HDHD2: variants seen among roughly 807,000 people sequenced by gnomAD.
The protein encoded by HDHD2 is haloacid dehalogenase like hydrolase domain containing 2.
In HDHD2, 26 loss-of-function variants were observed where a neutral mutation model predicts 24.8. The observed-to-expected ratio is 1.05, with a 90% CI of 0.77 to 1.45. The LOEUF is 1.45. HDHD2 is among the 40% of genes most tolerant of loss of function. The pLI, the probability that HDHD2 is intolerant of heterozygous loss-of-function variation, is 0.00. For missense variants in HDHD2, 299 were observed against 313.4 expected (o/e 0.95, Z 0.35); for synonymous variants, 128 against 114.9 (o/e 1.11, Z -0.73).
intron 4 of HDHD2, among the ~76,000 whole-genome samples, chr18:47,126,792 GA>G (rs199844969): frequency 6.7e-4 from 100 of 148,352 alleles, no homozygotes; most frequent in African/African-American, 1.9e-3. Flanking sequence ...CTATACTTCT[GA>G]AAAAAAAAAT....
At chr18:47,120,479 G>A (rs2144305366) in intron 4 of HDHD2, among the ~76,000 whole-genome samples, 1 of 152,200 alleles carries the variant, frequency 6.6e-6, no homozygotes, top group East Asian at 1.9e-4. Context: ...TTGTCTTAAG[G>A]GAATTTTGTG....
At chr18:47,136,982 T>C in intron 1 of HDHD2, 1 of 578,632 alleles carries the variant, frequency 1.7e-6, no homozygotes, top group Non-Finnish European at 3.2e-6. Flanking sequence ...GTACCTCTTT[T>C]GTGAAGTGGC....
rs1460629715 is a variant in HDHD2, at chr18:47,112,949, G to A, written c.676+28C>T. The A allele has an allele frequency of 1.9e-6, 3 of 1,584,964 alleles. No individual in the cohort carries two copies. The Admixed American group carries it at 5.0e-5, about 26-fold the overall frequency. The stretch of plus-strand genomic sequence containing the variant: ...CTGTGTATTCTACTATTCTGTTTTA[G>A]AAAATGCTTTATACAGAAGATACAT... On this transcript the variant is annotated intron_variant, in intron 6 of 6. Coordinates refer to ENST00000300605, the MANE Select transcript of HDHD2 (RefSeq NM_032124.5).
intron 1 of HDHD2, among the ~76,000 whole-genome samples, chr18:47,147,990 C>CA (rs2063889331): frequency 7.2e-6 from 1 of 137,996 alleles, no homozygotes; most frequent in Non-Finnish European, 1.6e-5. Context: ...TTTTTTCTTT[C>CA]TTTTTTTTTT....
chr18:47,110,218 G>A, intron 6 of HDHD2: 1 of 985,392 alleles, frequency 1.0e-6, no homozygotes, highest in Non-Finnish European at 1.2e-6. Context: ...CCACATCTTT[G>A]CATCATGGTG....
intron 5 of HDHD2, among the ~76,000 whole-genome samples, chr18:47,114,239 CAGG>C (rs1270614660): frequency 6.6e-6 from 1 of 152,158 alleles, no homozygotes. Flanking sequence ...AAGATAAAAT[CAGG>C]AGGACTGTGA....
chr18:47,144,308 C>CTTTT lies in HDHD2; in HGVS notation c.-11+6069_-11+6070insAAAA, dbSNP rs558878574. On this transcript the variant is annotated intron_variant, in intron 1 of 6. Transcript: ENST00000300605. The stretch of plus-strand genomic sequence containing the variant: ...CATCTGAAGAGATAGATCCTCTGAC[C>CTTTT]TAAAAACCAAGACCTCACTGTAAGG... Among the ~76,000 whole-genome samples the CTTTT allele has an allele frequency of 5.9e-5, 9 of 152,226 alleles. No individual in the cohort carries two copies. In the East Asian group the frequency reaches 1.7e-3, roughly 29 times the overall value.
At chr18:47,142,711 AC>A (rs1000515744) in intron 1 of HDHD2, among the ~76,000 whole-genome samples, 16 of 152,212 alleles carry the variant, frequency 1.1e-4, no homozygotes, top group African/African-American at 2.7e-4. Flanking sequence ...AACAAAAAAA[AC>A]ATTACAGCTA....
At chr18:47,141,656 GC>G (rs35470635) in intron 1 of HDHD2, among the ~76,000 whole-genome samples, 68,174 of 151,930 alleles carry the variant, frequency 0.45, 15,434 homozygotes, top group Middle Eastern at 0.56. Flanking sequence ...TTAGTTTGTT[GC>G]TAAAATTGTT....
intron 4 of HDHD2, among the ~76,000 whole-genome samples, chr18:47,121,886 C>G (rs1253505008): frequency 6.6e-6 from 1 of 152,184 alleles, no homozygotes; most frequent in South Asian, 2.1e-4. Flanking sequence ...ATTTCTTCCA[C>G]TCATTTGTCA....
intron 1 of HDHD2, among the ~76,000 whole-genome samples, chr18:47,140,195 C>T (rs2063806974): frequency 6.6e-6 from 1 of 152,188 alleles, no homozygotes; most frequent in African/African-American, 2.4e-5. Flanking sequence ...CACGTTGGTG[C>T]CTTTTATATT....
In HDHD2 at chr18:47,133,199, T is replaced by C. The variant is rs181110744; in HGVS notation, c.310+1297A>G. 3.2e-3 allele frequency among the ~76,000 whole-genome samples: 480 copies of C among 148,548 alleles called. 1 individual carries two copies. The highest frequency in any genetic ancestry group is 0.011 in the African/African-American group (441 of 40,684). On this transcript the variant is annotated intron_variant, in intron 3 of 6. Transcript: ENST00000300605. ...TGTGATGTTCCCCTTCCTGTGTCCA[T>C]GTGTTCTCATTGTTCAATTCCCACC...
chr18:47,128,235 A>G lies in HDHD2; in HGVS notation c.395+2009T>C, dbSNP rs138612981. On this transcript the variant is annotated intron_variant, in intron 4 of 6. Transcript: ENST00000300605. The stretch of plus-strand genomic sequence containing the variant: ...ATTACAAAGTCAGTATTATGTCAAC[A>G]TACATTTTTATTTCCCTGAGTCTAG... Among the ~76,000 whole-genome samples the G allele has an allele frequency of 9.8e-4, 150 of 152,350 alleles. 1 individual carries two copies. The highest frequency in any genetic ancestry group is 3.5e-3 in the African/African-American group (146 of 41,584).
chr18:47,141,932 G>A (rs1446544909), intron 1 of HDHD2, among the ~76,000 whole-genome samples: 1 of 152,274 alleles, frequency 6.6e-6, no homozygotes, highest in South Asian at 2.1e-4. Flanking sequence ...GTTCTCCCAT[G>A]GTGTTCTAGT....
chr18:47,137,757 T>G (rs1161745180), intron 1 of HDHD2, among the ~76,000 whole-genome samples: 1 of 152,214 alleles, frequency 6.6e-6, no homozygotes, highest in East Asian at 1.9e-4. Context: ...TAACTTTTTC[T>G]GCGTAGCTGT....
intron 1 of HDHD2, chr18:47,137,228 G>A (rs1599955022): frequency 1.6e-6 from 1 of 626,230 alleles, no homozygotes; most frequent in East Asian, 3.3e-5. Context: ...CACTGAAACA[G>A]ACATACCTGC....
chr18:47,120,498 G>C (rs529437922), intron 4 of HDHD2, among the ~76,000 whole-genome samples: 1 of 152,266 alleles, frequency 6.6e-6, no homozygotes, highest in South Asian at 2.1e-4. Flanking sequence ...TGGCTGGTTT[G>C]AGCTTCTATC....
intron 3 of HDHD2, among the ~76,000 whole-genome samples, chr18:47,133,480 G>T: frequency 1.3e-5 from 1 of 75,142 alleles, no homozygotes; most frequent in African/African-American, 4.7e-5. Flanking sequence ...CTTTATAGCA[G>T]CATGATTTAT....
chr18:47,129,472 A>G (rs9956809), intron 4 of HDHD2, among the ~76,000 whole-genome samples: 85,183 of 151,704 alleles, frequency 0.56, 24,027 homozygotes, highest in Middle Eastern at 0.62. Flanking sequence ...ACTTGCTCAG[A>G]TTAGAAATCT....
Sources: gnomAD v4.1 joint callset for allele counts (sites outside exome capture counted in the v4.1 genomes callset) on GRCh38, gnomAD v4.1.1 for gene constraint, MANE v1.5 for transcripts, NCBI Gene and HGNC (gene_info 2026-07-23, HGNC 2026-07-21) for gene names.